The following BICRAL variants were observed in gnomAD, a reference collection of about 807,000 sequenced individuals.
BICRAL encodes the protein BRD4-interacting chromatin-remodeling complex-associated protein-like.
Under a neutral mutation model 91.8 loss-of-function variants are expected in BICRAL, and 8 were observed. The observed-to-expected ratio is 0.09, with a 90% confidence interval of 0.05 to 0.16. BICRAL has a LOEUF of 0.16. Among genes scored for constraint, BICRAL ranks in the 10% least tolerant of loss-of-function variants. The probability of loss-of-function intolerance (pLI) is 1.00; values close to 1 mark genes in which losing one functional copy is unlikely to be tolerated. For synonymous variants in BICRAL, 445 were observed against 491.1 expected, an observed-to-expected ratio of 0.91 and a Z score of 1.24; for missense variants, 1,038 against 1,310.9, an observed-to-expected ratio of 0.79 and a Z score of 3.21.
In BICRAL at chr6:42,865,171, G is replaced by C. The variant is rs757071654; in HGVS notation, c.2965G>C (p.Asp989His). 16 of 1,614,064 alleles carry C rather than the reference G, an allele frequency of 9.9e-6. No homozygotes were observed. Among genetic ancestry groups the C allele is most frequent in the Non-Finnish European group, 5.9e-6 (7 of 1,180,026 alleles). The change falls in exon 13 of 13, where the codon GAC becomes CAC. Residue 989 changes from aspartate to histidine, a missense_variant. Around this residue, in one of 5 missense-constraint regions of BICRAL, gnomAD observed 92 missense variants for 147.8 expected, o/e 0.62. Transcript: ENST00000314073. ...TCCAAAGAATGAAGTTTTACACACA[G>C]ACATCATGAAAGGGTCAGGCGAACC... The part of the protein sequence containing the change: ...NSPKNEVLHT[D>H]IMKGSGEPQP...
chr6:42,856,740 A>G (rs1765371656), intron 9 of BICRAL, among the ~76,000 whole-genome samples: 1 of 152,070 alleles, frequency 6.6e-6, no homozygotes, highest in South Asian at 2.1e-4. Flanking sequence ...TTGTCTTTTC[A>G]GAGACAAAGA....
chr6:42,866,533 G>A lies in BICRAL; in HGVS notation c.*1087G>A, dbSNP rs1420224596. On this transcript the variant is annotated 3_prime_UTR_variant, in exon 13 of 13. Transcript: ENST00000314073. Reference sequence around the variant, plus strand: ...TGTAATTTTTCAGTTTAAACTTTAAGGAGACTCTGGCCTTGTTTATGCTTC... The same window carrying A: ...TGTAATTTTTCAGTTTAAACTTTAAAGAGACTCTGGCCTTGTTTATGCTTC... The A allele has an allele frequency of 5.2e-6, 1 of 192,960 alleles. No individual in the cohort carries two copies. The highest frequency in any genetic ancestry group is 2.3e-5 in the African/African-American group (1 of 42,952). The allele number at this position is 192,960 out of a possible 1,614,324, so 12.0% of individuals were successfully genotyped here.
chr6:42,844,323 C>T lies in BICRAL; in HGVS notation c.1840-7769C>T, dbSNP rs1476285147. On this transcript the variant is annotated intron_variant, in intron 6 of 12. Coordinates refer to ENST00000314073, the MANE Select transcript of BICRAL (RefSeq NM_001393499.1). ...AGGAGATGAAGACCATTCTGGCTAA[C>T]CCGGTGAAACCCCATCTCTACTAAA... Among the ~76,000 whole-genome samples, 3 of 150,044 alleles carry T rather than the reference C, an allele frequency of 2.0e-5. No individual in the cohort carries two copies. The East Asian group carries it at 6.0e-4, about 30-fold the overall frequency.
chr6:42,818,384 C>T (rs1450284843), intron 2 of BICRAL, among the ~76,000 whole-genome samples: 3 of 151,940 alleles, frequency 2.0e-5, no homozygotes, highest in African/African-American at 7.3e-5. Flanking sequence ...TATAAGAGCT[C>T]TTTATGTATT....
chr6:42,845,983 A>G (rs1490384370), intron 6 of BICRAL, among the ~76,000 whole-genome samples: 1 of 147,640 alleles, frequency 6.8e-6, no homozygotes, highest in Non-Finnish European at 1.5e-5. Flanking sequence ...AGGCAGGAGA[A>G]TGGCGGGAAC....
chr6:42,814,515 ATATATTT>A (rs1362600602), intron 2 of BICRAL, among the ~76,000 whole-genome samples: 2 of 92,756 alleles, frequency 2.2e-5, no homozygotes, highest in African/African-American at 9.4e-5. Context: ...ATATATATAT[ATATATTT>A]TTTTTTTTTT....
chr6:42,792,112 T>C (rs1763291088), intron 1 of BICRAL, among the ~76,000 whole-genome samples: 1 of 152,162 alleles, frequency 6.6e-6, no homozygotes, highest in South Asian at 2.1e-4. Context: ...TGGAAGTTGG[T>C]CTGGGTGAGT....
chr6:42,760,663 C>G (rs190493120), intron 1 of BICRAL, among the ~76,000 whole-genome samples: 2 of 152,256 alleles, frequency 1.3e-5, no homozygotes, highest in Non-Finnish European at 2.9e-5. Flanking sequence ...ATCTCAGCCT[C>G]CCAGAGAGCT....
intron 1 of BICRAL, among the ~76,000 whole-genome samples, chr6:42,776,351 TA>T (rs928399462): frequency 1.3e-5 from 2 of 150,530 alleles, no homozygotes; most frequent in Admixed American, 6.6e-5. Flanking sequence ...TTTTTATTAT[TA>T]TTTTTTTATT....
At chr6:42,763,977 C>T (rs1762595642) in intron 1 of BICRAL, among the ~76,000 whole-genome samples, 1 of 151,262 alleles carries the variant, frequency 6.6e-6, no homozygotes, top group Non-Finnish European at 1.5e-5. Context: ...CACAGTGGCT[C>T]ACACCTGTAA....
At position 42,864,995 on chromosome 6, in the gene BICRAL, CCAGT is replaced by C; in HGVS notation, c.2794_2797del (p.Gln932AlafsTer27). ...GCCAGCCGGAGAGAGCCTCTGAAGG[CCAGT>C]CAGTGCTCTCCCGGCCCTGAGGGGC... On this transcript the variant is annotated frameshift_variant, in exon 13 of 13. Transcript: ENST00000314073. LOFTEE classifies it high-confidence loss of function. The C allele has an allele frequency of 6.2e-7, 1 of 1,614,054 alleles. No individual in the cohort carries two copies. Among genetic ancestry groups the C allele is most frequent in the Non-Finnish European group, 8.5e-7 (1 of 1,180,028 alleles).
At chr6:42,748,218 A>G (rs1216079425) in intron 1 of BICRAL, among the ~76,000 whole-genome samples, 1 of 151,770 alleles carries the variant, frequency 6.6e-6, no homozygotes, top group African/African-American at 2.4e-5. Flanking sequence ...AGGAATTGCA[A>G]TAGCTGCTTT....
intron 6 of BICRAL, among the ~76,000 whole-genome samples, chr6:42,832,209 G>A (rs1764503644): frequency 6.6e-6 from 1 of 151,246 alleles, no homozygotes; most frequent in Non-Finnish European, 1.5e-5. Context: ...TTAGCTGGGT[G>A]TGGTGACACA....
At chr6:42,847,124 C>T (rs1456724820) in intron 6 of BICRAL, among the ~76,000 whole-genome samples, 1 of 152,138 alleles carries the variant, frequency 6.6e-6, no homozygotes, top group Non-Finnish European at 1.5e-5. Flanking sequence ...GTGGCGCATG[C>T]CTATAGTCCC....
intron 5 of BICRAL, among the ~76,000 whole-genome samples, chr6:42,826,584 G>A (rs1764310048): frequency 6.6e-6 from 1 of 151,918 alleles, no homozygotes; most frequent in African/African-American, 2.4e-5. Flanking sequence ...CTGACCTGGG[G>A]GATTGGAGTG....
intron 1 of BICRAL, among the ~76,000 whole-genome samples, chr6:42,749,874 A>G (rs1357282641): frequency 7.0e-6 from 1 of 142,014 alleles, no homozygotes; most frequent in Non-Finnish European, 1.5e-5. Flanking sequence ...TTTTTTTTTG[A>G]GATAGAGTCT....
At chr6:42,790,777 ACCAGATGCGTT>A (rs1336716528) in intron 1 of BICRAL, among the ~76,000 whole-genome samples, 1 of 152,122 alleles carries the variant, frequency 6.6e-6, no homozygotes, top group African/African-American at 2.4e-5. Flanking sequence ...TAAGTAGCAT[ACCAGATGCGTT>A]TCTGCATGGC....
At chr6:42,783,061 G>C (rs1246832063) in intron 1 of BICRAL, among the ~76,000 whole-genome samples, 1 of 151,850 alleles carries the variant, frequency 6.6e-6, no homozygotes, top group Non-Finnish European at 1.5e-5. Flanking sequence ...CGCATCTGCG[G>C]GCGGCCGCGG....
At chr6:42,856,015 T>C (rs1765339760) in intron 9 of BICRAL, 98 bp downstream of exon 9, 2 of 958,164 alleles carry the variant, frequency 2.1e-6, no homozygotes, top group Non-Finnish European at 3.4e-6. Flanking sequence ...TAATAATGAG[T>C]ATATTAGCCT....
Sources: allele counts gnomAD v4.1 joint callset (sites outside exome capture counted in the v4.1 genomes callset), GRCh38; gene constraint gnomAD v4.1.1; regional missense constraint gnomAD v4.1.1; transcripts MANE v1.5; gene names NCBI Gene and HGNC (gene_info 2026-07-23, HGNC 2026-07-21).